The following ADRA1A variants were observed in gnomAD, a reference collection of about 807,000 sequenced individuals.
ADRA1A encodes the protein adrenoceptor alpha 1A.
In ADRA1A, 31 loss-of-function variants were observed where a neutral mutation model predicts 29.6. That is an observed-to-expected ratio of 1.05 (90% confidence interval 0.79 to 1.41). The LOEUF is 1.41. Among genes scored for constraint, ADRA1A ranks in the 40% most tolerant of loss-of-function variants. The probability of loss-of-function intolerance (pLI) is 0.00; values close to 1 mark genes in which losing one functional copy is unlikely to be tolerated. For missense variants in ADRA1A, 619 were observed against 601.1 expected, an observed-to-expected ratio of 1.03 and a Z score of -0.31; for synonymous variants, 311 against 254.3, an observed-to-expected ratio of 1.22 and a Z score of -2.12.
downstream of ADRA1A, chr8:26,766,287 A>G: frequency 3.0e-6 from 2 of 669,894 alleles, no homozygotes; most frequent in South Asian, 3.5e-5. Flanking sequence ...TAACTTCAAT[A>G]CAACACCCGA....
intron 2 of ADRA1A, among the ~76,000 whole-genome samples, chr8:26,827,170 A>G (rs1241394990): frequency 6.6e-6 from 1 of 152,226 alleles, no homozygotes; most frequent in East Asian, 1.9e-4. Flanking sequence ...TATTATTATG[A>G]CAATACAACA....
At chr8:26,761,866 C>T (rs749288922), downstream of ADRA1A, among the ~76,000 whole-genome samples, 2 of 152,122 alleles carry the variant, frequency 1.3e-5, no homozygotes, top group Admixed American at 6.5e-5. Context: ...GAACAAGTTC[C>T]AGTAGCAGAT....
Position 26,847,350 on chromosome 8 carries a change from A to G in ADRA1A, c.883+16737T>C, listed in dbSNP as rs1034689454. Among the ~76,000 whole-genome samples, 3 of 152,182 alleles carry G rather than the reference A, an allele frequency of 2.0e-5. No individual in the cohort carries two copies. In the East Asian group the frequency reaches 5.8e-4, roughly 29 times the overall value. On this transcript the variant is annotated intron_variant, in intron 2 of 2. Transcript: ENST00000380573. ...TCAACATCACCCCCGATTGAGAACT[A>G]CTAATGTGACCTCTTTAGGAAAAGT...
At chr8:26,764,026 T>C (rs1320824706), downstream of ADRA1A, among the ~76,000 whole-genome samples, 1 of 152,178 alleles carries the variant, frequency 6.6e-6, no homozygotes, top group Non-Finnish European at 1.5e-5. Flanking sequence ...GAAAAATGCA[T>C]TCTTGACTTT....
downstream of ADRA1A, among the ~76,000 whole-genome samples, chr8:26,756,096 T>G (rs1205983111): frequency 6.6e-6 from 1 of 152,234 alleles, no homozygotes; most frequent in Non-Finnish European, 1.5e-5. Flanking sequence ...AATAAAACTT[T>G]AAAGCAAATT....
intron 2 of ADRA1A, among the ~76,000 whole-genome samples, chr8:26,820,091 T>C (rs1176300060): frequency 6.6e-6 from 1 of 151,882 alleles, no homozygotes; most frequent in African/African-American, 2.4e-5. Flanking sequence ...CACCCAAATA[T>C]ATGAAGCAAA....
chr8:26,857,797 C>T (rs1184382143), intron 2 of ADRA1A, among the ~76,000 whole-genome samples: 1 of 152,208 alleles, frequency 6.6e-6, no homozygotes, highest in Non-Finnish European at 1.5e-5. Flanking sequence ...CCCTCAACCC[C>T]TGGTTATCTT....
At chr8:26,830,488 C>A (rs112573260) in intron 2 of ADRA1A, among the ~76,000 whole-genome samples, 166 of 152,222 alleles carry the variant, frequency 1.1e-3, no homozygotes, top group Middle Eastern at 6.8e-3. Context: ...AAATAAATGG[C>A]CATGAAAAGA....
At position 26,848,082 on chromosome 8, in the gene ADRA1A, A is replaced by G. The variant is rs1812345795; in HGVS notation, c.883+16005T>C. 2.0e-5 allele frequency among the ~76,000 whole-genome samples: 3 copies of G among 152,324 alleles called. No individual in the cohort carries two copies. In the South Asian group the frequency reaches 6.2e-4, roughly 32 times the overall value. ...AAAGGGCAGGACCACGTGTGATTCCAGGGCTTTTAACTGTAGACAGGCCCC... is the reference window on the plus strand; with the variant it reads ...AAAGGGCAGGACCACGTGTGATTCCGGGGCTTTTAACTGTAGACAGGCCCC... On this transcript the variant is annotated intron_variant, in intron 2 of 2. Transcript: ENST00000380573. This position sits in a 1 kb window ranked among gnomAD's most constrained non-coding sequence, Gnocchi z 4.3.
intron 2 of ADRA1A, among the ~76,000 whole-genome samples, chr8:26,800,082 A>T (rs1026990769): frequency 1.3e-5 from 2 of 152,098 alleles, no homozygotes; most frequent in Non-Finnish European, 2.9e-5. Flanking sequence ...ATCATTGTGA[A>T]ACCCTGTCTC....
rs182552196 is a variant in ADRA1A, at chr8:26,815,799, A to G, written c.884-45133T>C. 6.6e-5 allele frequency among the ~76,000 whole-genome samples: 10 copies of G among 152,356 alleles called. No homozygotes were observed. The highest frequency in any genetic ancestry group is 3.9e-4 in the Admixed American group (6 of 15,306). The stretch of plus-strand genomic sequence containing the variant: ...AGAAGAAGAAGGCTGAAAATTAATG[A>G]GCAAAGTAGCTGTCTGTGTTCCCTA... On this transcript the variant is annotated intron_variant, in intron 2 of 2. Transcript: ENST00000380573. This position sits in a 1 kb window ranked among gnomAD's most constrained non-coding sequence, Gnocchi z 4.2.
chr8:26,846,436 C>T (rs894942986), intron 2 of ADRA1A, among the ~76,000 whole-genome samples: 1 of 152,138 alleles, frequency 6.6e-6, no homozygotes, highest in Non-Finnish European at 1.5e-5. Context: ...CCACACAATG[C>T]CAGCAGCATC....
chr8:26,867,363 A>G (rs1813970778), upstream of ADRA1A: 2 of 984,398 alleles, frequency 2.0e-6, no homozygotes, highest in African/African-American at 3.5e-5. Context: ...TACAGCTGTA[A>G]TGTTTTCCTC....
At chr8:26,760,428 A>T (rs1805445045) in intron 2 of ADRA1A, among the ~76,000 whole-genome samples, 1 of 152,180 alleles carries the variant, frequency 6.6e-6, no homozygotes, top group African/African-American at 2.4e-5. Flanking sequence ...CTACATCCTC[A>T]TATCAAATCC....
rs1001982618 is a variant in ADRA1A at position 26,860,747 on chromosome 8, C to T, written c.883+3340G>A. Among the ~76,000 whole-genome samples, 2 of 152,152 alleles carry T rather than the reference C, an allele frequency of 1.3e-5. No individual in the cohort carries two copies. Among genetic ancestry groups the T allele is most frequent in the African/African-American group, 4.8e-5 (2 of 41,430 alleles). The stretch of plus-strand genomic sequence containing the variant: ...TGCCTCAGGGCTCACACACTTTGCT[C>T]TCCTTGTCACTTCCCAATGCTCCCC... On this transcript the variant is annotated intron_variant, in intron 2 of 2. Coordinates refer to ENST00000380573, the MANE Select transcript of ADRA1A (RefSeq NM_000680.4). The surrounding 1 kb of genome is among the most constrained non-coding windows in gnomAD (Gnocchi z 4.7).
chr8:26,818,423 C>T (rs1809914803), intron 2 of ADRA1A, among the ~76,000 whole-genome samples: 1 of 152,068 alleles, frequency 6.6e-6, no homozygotes, highest in Non-Finnish European at 1.5e-5. Context: ...GTAAAATTTT[C>T]TGAAATCATT....
chr8:26,768,550 G>A (rs1024007871), downstream of ADRA1A, among the ~76,000 whole-genome samples: 30 of 152,066 alleles, frequency 2.0e-4, no homozygotes, highest in African/African-American at 7.2e-4. Flanking sequence ...CCGACATGAC[G>A]CCACAGGTGG....
chr8:26,786,489 T>C (rs1339521439), intron 2 of ADRA1A, among the ~76,000 whole-genome samples: 1 of 152,016 alleles, frequency 6.6e-6, no homozygotes, highest in Non-Finnish European at 1.5e-5. Context: ...TGAGTACATC[T>C]CCTGACCTCA....
intron 2 of ADRA1A, among the ~76,000 whole-genome samples, chr8:26,791,352 T>C (rs1807817425): frequency 6.6e-6 from 1 of 152,186 alleles, no homozygotes. Context: ...GGTCATATAA[T>C]ATAAATTTCA....
Sources: gnomAD v4.1 joint callset for allele counts (sites outside exome capture counted in the v4.1 genomes callset) on GRCh38, gnomAD v4.1.1 for gene constraint, Gnocchi (gnomAD v3.1) non-coding constraint, MANE v1.5 for transcripts, NCBI Gene and HGNC (gene_info 2026-07-23, HGNC 2026-07-21) for gene names.